The following PCDH9 variants were observed in gnomAD, a reference collection of about 807,000 sequenced individuals.
The protein encoded by PCDH9 is protocadherin-9.
A neutral mutation model predicts 70.6 loss-of-function variants in PCDH9; 24 were observed. The observed-to-expected ratio is 0.34, with a 90% confidence interval of 0.25 to 0.48. The LOEUF (loss-of-function observed/expected upper bound fraction) is 0.48, where lower values mean the gene tolerates loss of function less well. Among genes scored for constraint, PCDH9 ranks in the 20% least tolerant of loss-of-function variants. The pLI is 0.99. For synonymous variants in PCDH9, 562 were observed against 558.5 expected (o/e 1.01, Z -0.09); for missense variants, 1,281 against 1,503.6 (o/e 0.85, Z 2.45).
chr13:66,751,107 T>C (rs1180192605), intron 3 of PCDH9, among the ~76,000 whole-genome samples: 4 of 152,190 alleles, frequency 2.6e-5, no homozygotes, highest in Non-Finnish European at 4.4e-5. Flanking sequence ...TTCTACCACT[T>C]GCACTCCCTC....
intron 2 of PCDH9, among the ~76,000 whole-genome samples, chr13:67,190,725 A>G (rs750554305): frequency 2.0e-5 from 3 of 152,102 alleles, no homozygotes; most frequent in Non-Finnish European, 4.4e-5. Context: ...TAATTTTACT[A>G]TAACTCAAGC....
At chr13:66,555,954 A>T (rs1961721953) in intron 4 of PCDH9, among the ~76,000 whole-genome samples, 1 of 148,278 alleles carries the variant, frequency 6.7e-6, no homozygotes, top group African/African-American at 2.4e-5. Flanking sequence ...TATATATAAG[A>T]TATATACATT....
At chr13:66,719,151 C>G (rs867623109) in intron 3 of PCDH9, among the ~76,000 whole-genome samples, 2 of 152,272 alleles carry the variant, frequency 1.3e-5, no homozygotes, top group African/African-American at 2.4e-5. Context: ...GCAATTTGGT[C>G]CTGGAGATAG....
chr13:66,466,023 A>G (rs1484601927), intron 4 of PCDH9, among the ~76,000 whole-genome samples: 1 of 152,008 alleles, frequency 6.6e-6, no homozygotes, highest in Non-Finnish European at 1.5e-5. Context: ...ACATTCTCAC[A>G]ATAAAAAATA....
chr13:66,370,539 T>A (rs1433757399), intron 4 of PCDH9, among the ~76,000 whole-genome samples: 1 of 151,030 alleles, frequency 6.6e-6, no homozygotes, highest in Non-Finnish European at 1.5e-5. Flanking sequence ...GAGACAGGGT[T>A]TCCTTCTGTT....
intron 2 of PCDH9, among the ~76,000 whole-genome samples, chr13:67,081,749 C>T (rs1472559982): frequency 6.6e-6 from 1 of 152,126 alleles, no homozygotes; most frequent in Non-Finnish European, 1.5e-5. Flanking sequence ...AAAATCCTGT[C>T]CTACCTTTAG....
chr13:66,952,875 T>A (rs1182724253), intron 2 of PCDH9, among the ~76,000 whole-genome samples: 4 of 152,182 alleles, frequency 2.6e-5, no homozygotes, highest in African/African-American at 4.8e-5. Flanking sequence ...TCACCCTCCC[T>A]GCCTCCTAAC....
intron 4 of PCDH9, among the ~76,000 whole-genome samples, chr13:66,341,875 C>T (rs554875764): frequency 1.3e-5 from 2 of 152,164 alleles, no homozygotes; most frequent in Non-Finnish European, 2.9e-5. Flanking sequence ...TAAATATGCA[C>T]ACTTGAAGTG....
intron 2 of PCDH9, among the ~76,000 whole-genome samples, chr13:66,980,717 TG>T (rs1450345936): frequency 5.2e-4 from 70 of 134,990 alleles, no homozygotes; most frequent in African/African-American, 2.0e-3. Flanking sequence ...TGTTTTTTCC[TG>T]TTTTTTTCTT....
At chr13:66,789,609 T>G (rs371392232) in intron 3 of PCDH9, among the ~76,000 whole-genome samples, 5 of 152,122 alleles carry the variant, frequency 3.3e-5, no homozygotes, top group East Asian at 1.9e-4. Flanking sequence ...TATATATACT[T>G]TATGACTCTA....
At chr13:66,330,793 A>G (rs1955929601) in intron 4 of PCDH9, among the ~76,000 whole-genome samples, 1 of 152,206 alleles carries the variant, frequency 6.6e-6, no homozygotes, top group Non-Finnish European at 1.5e-5. Context: ...GCAGTATGCT[A>G]TGTGTTCAAG....
At chr13:66,638,753 C>T (rs2138957588) in intron 3 of PCDH9, among the ~76,000 whole-genome samples, 1 of 152,162 alleles carries the variant, frequency 6.6e-6, no homozygotes, top group Admixed American at 6.5e-5. Context: ...CTAAAGGGGA[C>T]AGAGTAGAAA....
intron 4 of PCDH9, among the ~76,000 whole-genome samples, chr13:66,507,800 C>T (rs1237459886): frequency 6.6e-6 from 1 of 152,086 alleles, no homozygotes; most frequent in Non-Finnish European, 1.5e-5. Flanking sequence ...TGCCTCACTG[C>T]AACTTCCACC....
rs2089859835 is a variant in PCDH9, at chr13:67,226,047, C to T, written c.2394G>A (p.Arg798=). ...AGGGTTGGCTACTATCCCCTATGTTCCTGTCCAACGGGGTCTCCATAGTCC... is the reference window on the plus strand; with the variant it reads ...AGGGTTGGCTACTATCCCCTATGTTTCTGTCCAACGGGGTCTCCATAGTCC... The part of the protein sequence containing the change: ...IRRTMETPLD[R]NIGDSSQPYQ... Residue 798 remains arginine (R), a synonymous_variant, in exon 2 of 5, where the codon AGG becomes AGA. Transcript: ENST00000377865. The surrounding 1 kb of genome is among the most constrained non-coding windows in gnomAD (Gnocchi z 5.0). 1.2e-6 allele frequency: 2 copies of T among 1,613,950 alleles called. 1 individual carries two copies. Among genetic ancestry groups the T allele is most frequent in the South Asian group, 2.2e-5 (2 of 91,076 alleles).
At chr13:66,495,569 G>A (rs1594065513) in intron 4 of PCDH9, among the ~76,000 whole-genome samples, 1 of 150,866 alleles carries the variant, frequency 6.6e-6, no homozygotes, top group Middle Eastern at 3.4e-3. Flanking sequence ...ATGTTTACTT[G>A]CAAAATAAAT....
chr13:66,347,822 A>T (rs2875472), intron 4 of PCDH9, among the ~76,000 whole-genome samples: 67,096 of 151,958 alleles, frequency 0.44, 16,295 homozygotes, highest in East Asian at 0.62. Context: ...TTCTCTCCTG[A>T]GCTGCGAGCT....
chr13:66,760,762 T>C (rs2079613433), intron 3 of PCDH9, among the ~76,000 whole-genome samples: 2 of 152,146 alleles, frequency 1.3e-5, no homozygotes, highest in Non-Finnish European at 2.9e-5. Flanking sequence ...TATCACTGAA[T>C]TATTTTTCTC....
chr13:66,748,684 G>C (rs2079410100), intron 3 of PCDH9, among the ~76,000 whole-genome samples: 1 of 152,172 alleles, frequency 6.6e-6, no homozygotes, highest in Non-Finnish European at 1.5e-5. Context: ...GCAATTATTT[G>C]TGAAATCCTG....
At chr13:66,700,592 T>C (rs559683713) in intron 3 of PCDH9, among the ~76,000 whole-genome samples, 24 of 152,110 alleles carry the variant, frequency 1.6e-4, no homozygotes, top group Non-Finnish European at 2.8e-4. Context: ...CAGAAGAACA[T>C]TGGAAGGCCA....
Sources: gnomAD v4.1 joint callset for allele counts (sites outside exome capture counted in the v4.1 genomes callset) on GRCh38, gnomAD v4.1.1 for gene constraint, Gnocchi (gnomAD v3.1) non-coding constraint, MANE v1.5 for transcripts, NCBI Gene and HGNC (gene_info 2026-07-23, HGNC 2026-07-21) for gene names.